EP300: variants seen among roughly 807,000 people sequenced by gnomAD.
EP300 encodes the protein EP300 lysine acetyltransferase.
EP300 carries 31 observed loss-of-function variants against 264.0 expected under a neutral mutation model. The ratio of observed to expected loss-of-function variants is 0.12; its 90% CI spans 0.09 to 0.16. The LOEUF is 0.16. Ranked by LOEUF, EP300 falls within the 10% of genes least tolerant of loss-of-function variation. The probability of loss-of-function intolerance (pLI) is 1.00; values close to 1 mark genes in which losing one functional copy is unlikely to be tolerated. For synonymous variants in EP300, 1,340 were observed against 1,045.4 expected (o/e 1.28, Z -5.44); for missense variants, 2,766 against 3,052.9 (o/e 0.91, Z 2.21).
At chr22:41,109,738 A>G (rs1417869768) in intron 1 of EP300, among the ~76,000 whole-genome samples, 1 of 150,756 alleles carries the variant, frequency 6.6e-6, no homozygotes, top group Non-Finnish European at 1.5e-5. Flanking sequence ...GGGGAGGAGG[A>G]CGGGAACGGA....
At chr22:41,152,374 C>T (rs368371657) in intron 16 of EP300, 24 bp downstream of exon 16, 1 of 1,600,964 alleles carries the variant, frequency 6.2e-7, no homozygotes, top group Non-Finnish European at 8.5e-7. Flanking sequence ...GCCATTCGTT[C>T]TGGAGGTAGC....
chr22:41,169,785 A>T (rs1169664197), intron 26 of EP300, among the ~76,000 whole-genome samples, 169 bp downstream of exon 26: 3 of 152,158 alleles, frequency 2.0e-5, no homozygotes, highest in Admixed American at 1.3e-4. Context: ...ATGTCAGTAG[A>T]GAGAAATGGA....
intron 29 of EP300, among the ~76,000 whole-genome samples, chr22:41,175,458 A>T (rs1291810564): frequency 6.6e-6 from 1 of 152,212 alleles, no homozygotes; most frequent in Admixed American, 6.5e-5. Flanking sequence ...CTTTTACACT[A>T]ATGGTTATGA....
intron 1 of EP300, among the ~76,000 whole-genome samples, chr22:41,098,312 A>T (rs921708697): frequency 1.3e-5 from 2 of 152,204 alleles, no homozygotes; most frequent in African/African-American, 2.4e-5. Flanking sequence ...CTTCTGAGCA[A>T]TTTGGATATA....
rs2059230024 is a variant in EP300 at position 41,179,754 on chromosome 22, C to A, written c.*798C>A. 4.4e-6 allele frequency: 1 copy of A among 228,552 alleles called. No homozygotes were observed. The highest frequency in any genetic ancestry group is 5.7e-5 in the Admixed American group (1 of 17,568). 14.2% of individuals were successfully genotyped at this position (228,552 alleles called of 1,614,324 possible). A position where few individuals can be genotyped will look rare whatever the true frequency, so the allele number is the denominator to read the frequency against. ...GAAAGAATTTTTTTCGTTATTTTTACATCTAACAAAGTAAAAAAATTAAAA... is the reference window on the plus strand; with the variant it reads ...GAAAGAATTTTTTTCGTTATTTTTAAATCTAACAAAGTAAAAAAATTAAAA... On this transcript the variant is annotated 3_prime_UTR_variant, in exon 31 of 31. Coordinates refer to ENST00000263253, the MANE Select transcript of EP300 (RefSeq NM_001429.4).
At chr22:41,151,669 A>G (rs1480230573) in intron 14 of EP300, among the ~76,000 whole-genome samples, 164 bp from the exon 15 acceptor site, 2 of 151,828 alleles carry the variant, frequency 1.3e-5, no homozygotes, top group Non-Finnish European at 2.9e-5. Context: ...CTTAAGCATA[A>G]TTAAGGGAGG....
chr22:41,156,197 G>A (rs988347425), intron 17 of EP300, among the ~76,000 whole-genome samples: 5 of 151,920 alleles, frequency 3.3e-5, no homozygotes, highest in Non-Finnish European at 5.9e-5. Context: ...ATTTTTAGTA[G>A]AGATGGGGTT....
At chr22:41,165,683 G>A (rs576637522) in intron 22 of EP300, among the ~76,000 whole-genome samples, 18 of 150,854 alleles carry the variant, frequency 1.2e-4, no homozygotes, top group African/African-American at 3.4e-4. Context: ...TCGGCCTCCC[G>A]AAGTGCTGGG....
Position 41,137,677 on chromosome 22 carries a change from T to C in EP300, c.1647T>C (p.Ser549=). Residue 549 remains serine, a synonymous_variant, in exon 8 of 31, where the codon AGT becomes AGC. Transcript: ENST00000263253. ...GCCCAATGATGAGTGAAAATGCCAG[T>C]GTGCCCTCCCTGGGTCCTATGCCAA... ...SQNPMMSENA[S]VPSLGPMPTA... is the part of the protein sequence containing the mutation. The C allele has an allele frequency of 1.2e-6, 2 of 1,614,194 alleles. No homozygotes were observed. The highest frequency in any genetic ancestry group is 1.7e-6 in the Non-Finnish European group (2 of 1,180,026).
chr22:41,149,741 T>TA lies in EP300; in HGVS notation c.2380-19dup. Reference sequence around the variant, plus strand: ...ATTCTGTTCTGAATTGCTGTCTTGTTATGTTTTTTATTTTAACAGGCACAA... The same window carrying TA: ...ATTCTGTTCTGAATTGCTGTCTTGTTAATGTTTTTTATTTTAACAGGCACAA... On this transcript the variant is annotated intron_variant, in intron 13 of 30. Transcript: ENST00000263253. 6.2e-7 allele frequency: 1 copy of TA among 1,613,232 alleles called. No homozygotes were observed. The highest frequency in any genetic ancestry group is 1.1e-5 in the South Asian group (1 of 91,056).
chr22:41,140,745 T>C (rs757948459), intron 9 of EP300, among the ~76,000 whole-genome samples: 2 of 152,064 alleles, frequency 1.3e-5, no homozygotes, highest in Non-Finnish European at 2.9e-5. Flanking sequence ...CTGCAGTGAT[T>C]CGGGATTGCG....
chr22:41,145,730 G>A (rs1009294711), intron 10 of EP300, among the ~76,000 whole-genome samples: 23 of 152,002 alleles, frequency 1.5e-4, no homozygotes, highest in African/African-American at 4.1e-4. Context: ...GTCATGCCCC[G>A]GGTTCACGCC....
Position 41,178,345 on chromosome 22 carries a change from C to T in EP300, c.6634C>T (p.Gln2212Ter), listed in dbSNP as rs2059215796. 1 of 1,608,184 alleles carries T rather than the reference C, an allele frequency of 6.2e-7. No individual in the cohort carries two copies. The highest frequency in any genetic ancestry group is 8.5e-7 in the Non-Finnish European group (1 of 1,174,736). ...TGGAATGGCCAACCATAACCAGTTC[C>T]AGCAACCCCAAGGAGTTGGCTACCC... ...GPGMANHNQF[Q>*]QPQGVGYPPQ... The change falls in exon 31 of 31, where the codon CAG becomes TAG. Residue 2212 changes from glutamine to a stop codon, truncating the protein, a stop_gained. Coordinates refer to ENST00000263253, the MANE Select transcript of EP300 (RefSeq NM_001429.4). LOFTEE classifies it high-confidence loss of function.
chr22:41,170,386 C>T lies in EP300; in HGVS notation c.4287-20C>T, dbSNP rs778959566. On this transcript the variant is annotated intron_variant, in intron 26 of 30. Transcript: ENST00000263253. ...TAGATTATCTCTTTTCCTTAATGTT[C>T]TTTCTCTTTGTATTGTTAGTTACAC... The T allele has an allele frequency of 6.2e-7, 1 of 1,609,790 alleles. No homozygotes were observed. The highest frequency in any genetic ancestry group is 8.5e-7 in the Non-Finnish European group (1 of 1,176,178).
chr22:41,118,806 AAAAAG>A (rs201571730), intron 2 of EP300, among the ~76,000 whole-genome samples: 36 of 94,270 alleles, frequency 3.8e-4, no homozygotes, highest in South Asian at 1.7e-3. Flanking sequence ...GGAAAAAAAA[AAAAAG>A]AACCTTGATG....
chr22:41,119,358 A>G (rs1482731318), intron 2 of EP300, among the ~76,000 whole-genome samples: 1 of 151,566 alleles, frequency 6.6e-6, no homozygotes, highest in Admixed American at 6.6e-5. Context: ...AGTGTAGTTT[A>G]CTTAGAATAT....
In EP300 at chr22:41,117,376, T is replaced by C; in HGVS notation, c.284T>C (p.Met95Thr). ...TCTGGTAGTTCCCCTAACCTCAATA[T>C]GGGAGTTGGTGGCCCAGGTCAAGTC... ...LRSGSSPNLN[M>T]GVGGPGQVMA... is the part of the protein sequence containing the mutation. Residue 95 changes from methionine (M) to threonine (T), a missense_variant, in exon 2 of 31, where the codon ATG (methionine) becomes ACG (threonine). Physicochemically the swap from Met to Thr is moderately conservative, Grantham distance 81. Transcript: ENST00000263253. 1.9e-6 allele frequency: 3 copies of C among 1,614,132 alleles called. No homozygotes were observed. Among genetic ancestry groups the C allele is most frequent in the Middle Eastern group, 1.6e-4 (1 of 6,062 alleles).
intron 2 of EP300, among the ~76,000 whole-genome samples, chr22:41,118,111 C>T (rs2058831719): frequency 6.6e-6 from 1 of 152,186 alleles, no homozygotes; most frequent in Non-Finnish European, 1.5e-5. Flanking sequence ...CTTGTAGCCT[C>T]CTTATAAAAT....
At chr22:41,143,431 A>G (rs536530718) in intron 10 of EP300, among the ~76,000 whole-genome samples, 18 of 152,360 alleles carry the variant, frequency 1.2e-4, no homozygotes, top group African/African-American at 4.1e-4. Flanking sequence ...AAGCCTGGAC[A>G]ACAGAGTGAG....
Sources: allele counts gnomAD v4.1 joint callset (sites outside exome capture counted in the v4.1 genomes callset), GRCh38; gene constraint gnomAD v4.1.1; transcripts MANE v1.5; gene names NCBI Gene and HGNC (gene_info 2026-07-23, HGNC 2026-07-21).